Variants in GFY observed in about 807,000 individuals in gnomAD.
The protein encoded by GFY is Golgi-associated olfactory signaling regulator.
A neutral mutation model predicts 29.1 loss-of-function variants in GFY; 28 were observed. The ratio of observed to expected loss-of-function variants is 0.96; its 90% CI spans 0.71 to 1.32. The LOEUF (loss-of-function observed/expected upper bound fraction) is 1.32, where lower values mean the gene tolerates loss of function less well. GFY is among the 40% of genes most tolerant of loss of function. The probability of loss-of-function intolerance (pLI) is 0.00; values close to 1 mark genes in which losing one functional copy is unlikely to be tolerated. For synonymous variants in GFY, 277 were observed against 274.5 expected, an observed-to-expected ratio of 1.01 and a Z score of -0.09; for missense variants, 656 against 661.9, an observed-to-expected ratio of 0.99 and a Z score of 0.10.
intron 1 of GFY, 38 bp from the exon 2 acceptor site, chr19:49,426,372 T>A: frequency 1.4e-6 from 2 of 1,451,710 alleles, no homozygotes; most frequent in South Asian, 2.9e-5. Flanking sequence ...CCTGGGAGCC[T>A]TCGGCCTTAA....
At chr19:49,427,846 A>C in intron 2 of GFY, 100 bp from the exon 3 acceptor site, 4 of 1,358,920 alleles carry the variant, frequency 2.9e-6, no homozygotes, top group Non-Finnish European at 4.0e-6. Context: ...GTTTGGGAAC[A>C]GGAATTCCTG....
Position 49,427,195 on chromosome 19 carries a change from A to G in GFY, c.765A>G (p.Glu255=). The part of the protein sequence containing the change: ...SHVTHNPSPT[E]ISQTEFPTTY... ...TGACCCACAATCCCAGCCCCACCGA[A>G]ATTTCCCAAACAGAATTCCCCACAA... Residue 255 remains glutamate (E), a synonymous_variant, in exon 2 of 4, where the codon GAA becomes GAG. Coordinates refer to ENST00000610896, the MANE Select transcript of GFY (RefSeq NM_001195256.2). 6.5e-7 allele frequency: 1 copy of G among 1,535,774 alleles called. No individual in the cohort carries two copies. The highest frequency in any genetic ancestry group is 8.7e-7 in the Non-Finnish European group (1 of 1,146,824).
At chr19:49,424,465 T>C (rs140017923), upstream of GFY, among the ~76,000 whole-genome samples, 1,343 of 152,234 alleles carry the variant, frequency 8.8e-3, 17 homozygotes, top group Middle Eastern at 0.054. Flanking sequence ...AGGCTGGTCT[T>C]GAACTCCTGA....
At position 49,427,464 on chromosome 19, in the gene GFY, T is replaced by A. The variant is rs4802605; in HGVS notation, c.1034T>A (p.Val345Asp). 6.5e-7 allele frequency: 1 copy of A among 1,535,226 alleles called. No individual in the cohort carries two copies. Among genetic ancestry groups the A allele is most frequent in the Non-Finnish European group, 8.7e-7 (1 of 1,146,418 alleles). ...AACTCTGGCCCTAAGGAGTCCAACGTCCCTCCTCCCTCAGCCCGGATTGCA... is the reference window on the plus strand; with the variant it reads ...AACTCTGGCCCTAAGGAGTCCAACGACCCTCCTCCCTCAGCCCGGATTGCA... The part of the protein sequence containing the change: ...PQNSGPKESN[V>D]PPPSARIAGP... Residue 345 changes from valine to aspartate, a missense_variant, in exon 2 of 4, where the codon GTC (valine) becomes GAC (aspartate). Transcript: ENST00000610896.
Position 49,427,599 on chromosome 19 carries a change from G to C in GFY, c.1169G>C (p.Arg390Pro), listed in dbSNP as rs1975091606. ...EGVNTIIVVE[R>P]VKETGVTLVG... ...GTCAACACCATCATCGTGGTGGAGC[G>C]AGTGAAGGAGACCGGTGAGGGGCAG... Residue 390 changes from arginine to proline, a missense_variant, in exon 2 of 4, where the codon CGA becomes CCA. Arg to Pro is a moderately radical substitution (Grantham distance 103, BLOSUM62 -2). Transcript: ENST00000610896. The C allele has an allele frequency of 2.7e-6, 4 of 1,469,220 alleles. No homozygotes were observed. Among genetic ancestry groups the C allele is most frequent in the Middle Eastern group, 1.8e-4 (1 of 5,616 alleles). The allele number at this position is 1,469,220 out of a possible 1,614,324, so 91.0% of individuals were successfully genotyped here. A position where few individuals can be genotyped will look rare whatever the true frequency, so the allele number is the denominator to read the frequency against.
At chr19:49,425,969 A>G (rs1975067939) in intron 1 of GFY, among the ~76,000 whole-genome samples, 1 of 151,898 alleles carries the variant, frequency 6.6e-6, no homozygotes, top group Admixed American at 6.6e-5. Context: ...CCTCAAATCC[A>G]TGAGTCCAGC....
intron 3 of GFY, 72 bp from the exon 4 acceptor site, chr19:49,428,547 G>C: frequency 8.5e-7 from 1 of 1,178,202 alleles, no homozygotes; most frequent in Non-Finnish European, 1.1e-6. Flanking sequence ...GCACAAAAGC[G>C]GCCCTGGAGA....
intron 1 of GFY, among the ~76,000 whole-genome samples, chr19:49,425,769 C>T (rs1302853193): frequency 6.6e-6 from 1 of 152,162 alleles, no homozygotes; most frequent in African/African-American, 2.4e-5. Flanking sequence ...CTCAAGGCCT[C>T]TTATCTCCTT....
At chr19:49,427,706 C>A in intron 2 of GFY, 93 bp downstream of exon 2, 1 of 1,380,170 alleles carries the variant, frequency 7.2e-7, no homozygotes, top group Non-Finnish European at 9.5e-7. Flanking sequence ...GGCCTGGACT[C>A]CTGGGTGCGA....
At chr19:49,426,333 G>A in intron 1 of GFY, 77 bp from the exon 2 acceptor site, 1 of 1,442,092 alleles carries the variant, frequency 6.9e-7, no homozygotes. Flanking sequence ...GTGTTCCAGT[G>A]GGCGTGGCCT....
chr19:49,428,516 C>G (rs115434553), intron 3 of GFY, 103 bp from the exon 4 acceptor site: 1 of 859,314 alleles, frequency 1.2e-6, no homozygotes, highest in Non-Finnish European at 1.7e-6. Flanking sequence ...ATCCTCTCTC[C>G]GGCCTCCTGA....
In GFY at chr19:49,427,951, A is replaced by T. The variant is rs1269207461; in HGVS notation, c.1189A>T (p.Thr397Ser). Residue 397 changes from threonine (T) to serine (S), a missense_variant, in exon 3 of 4, where the codon ACT (threonine) becomes TCT (serine). By Grantham distance (58) the Thr-to-Ser change is moderately conservative (BLOSUM62 1). Coordinates refer to ENST00000610896, the MANE Select transcript of GFY (RefSeq NM_001195256.2). ...TTGCTGGTATCCCCCTTCAGGCGTG[A>T]CTCTGGTGGGGCGACCACGTGGCGC... Reference protein sequence around the residue: ...VVERVKETGVTLVGRPRGAAG... With the variant: ...VVERVKETGVSLVGRPRGAAG... 4.6e-6 allele frequency: 7 copies of T among 1,533,054 alleles called. No individual in the cohort carries two copies. In the East Asian group the frequency reaches 1.2e-4, roughly 27 times the overall value. 95.0% of individuals were successfully genotyped at this position (1,533,054 alleles called of 1,614,324 possible). A position where few individuals can be genotyped will look rare whatever the true frequency, so the allele number is the denominator to read the frequency against.
chr19:49,426,978 A>G lies in GFY; in HGVS notation c.548A>G (p.Glu183Gly). 6.5e-6 allele frequency: 10 copies of G among 1,535,816 alleles called. No homozygotes were observed. Among genetic ancestry groups the G allele is most frequent in the African/African-American group, 1.4e-5 (1 of 73,028 alleles). Residue 183 changes from glutamate (E) to glycine (G), a missense_variant, in exon 2 of 4, where the codon GAG becomes GGG. Glu to Gly is a moderately conservative substitution (Grantham distance 98). Transcript: ENST00000610896. ...CAAACTACACCCCAAGAATCCCCAG[A>G]GATTCTGCAGCTTAATGCCACTGAA... The part of the protein sequence containing the change: ...LMQTTPQESP[E>G]ILQLNATEVS...
chr19:49,426,384 C>G, intron 1 of GFY, 26 bp from the exon 2 acceptor site: 1 of 1,473,286 alleles, frequency 6.8e-7, no homozygotes, highest in Non-Finnish European at 8.9e-7. Flanking sequence ...CGGCCTTAAC[C>G]CCTTCCTTCC....
intron 2 of GFY, 67 bp from the exon 3 acceptor site, chr19:49,427,879 G>C: frequency 6.7e-7 from 1 of 1,483,324 alleles, no homozygotes; most frequent in East Asian, 2.5e-5. Context: ...GAGGGGCTAG[G>C]AGCTTGGACC....
upstream of GFY, among the ~76,000 whole-genome samples, chr19:49,424,941 T>C (rs1217787472): frequency 2.0e-5 from 3 of 152,084 alleles, no homozygotes; most frequent in South Asian, 6.2e-4. Context: ...TGTGGGAACT[T>C]GGGCTCCTAG....
Position 49,426,476 on chromosome 19 carries a change from G to A in GFY, c.46G>A (p.Gly16Ser), listed in dbSNP as rs1340449218. The part of the protein sequence containing the change: ...RILFLVFLLA[G>S]LRSKAAPSAP... ...CCTCTTCCTCGTCTTCCTCCTCGCCGGCCTGAGGTCCAAGGCCGCTCCCTC... is the reference window on the plus strand; with the variant it reads ...CCTCTTCCTCGTCTTCCTCCTCGCCAGCCTGAGGTCCAAGGCCGCTCCCTC... The change falls in exon 2 of 4, where the codon GGC becomes AGC. Residue 16 changes from glycine to serine, a missense_variant. Transcript: ENST00000610896. 7 of 1,535,786 alleles carry A rather than the reference G, an allele frequency of 4.6e-6. No individual in the cohort carries two copies. The highest frequency in any genetic ancestry group is 1.4e-5 in the African/African-American group (1 of 73,010).
At position 49,427,094 on chromosome 19, in the gene GFY, A is replaced by G. The variant is rs1975083377; in HGVS notation, c.664A>G (p.Thr222Ala). 1 of 1,534,696 alleles carries G rather than the reference A, an allele frequency of 6.5e-7. No individual in the cohort carries two copies. Among genetic ancestry groups the G allele is most frequent in the African/African-American group, 1.4e-5 (1 of 72,506 alleles). Residue 222 changes from threonine to alanine, a missense_variant, in exon 2 of 4, where the codon ACT (threonine) becomes GCT (alanine). Thr to Ala is a moderately conservative substitution (Grantham distance 58). Transcript: ENST00000610896. The part of the protein sequence containing the change: ...KSPEKHDLNS[T>A]ETPNSEFLQA... Reference sequence around the variant, plus strand: ...CCCAGAAAAGCATGACCTCAACTCCACTGAGACCCCAAACTCTGAATTTCT... The same window carrying G: ...CCCAGAAAAGCATGACCTCAACTCCGCTGAGACCCCAAACTCTGAATTTCT...
chr19:49,427,452 A>G lies in GFY; in HGVS notation c.1022A>G (p.Lys341Arg), dbSNP rs1282596003. 2 of 1,535,732 alleles carry G rather than the reference A, an allele frequency of 1.3e-6. No homozygotes were observed. Among genetic ancestry groups the G allele is most frequent in the South Asian group, 1.2e-5 (1 of 84,004 alleles). ...AAGGCCCCCCAGAACTCTGGCCCTA[A>G]GGAGTCCAACGTCCCTCCTCCCTCA... Reference protein sequence around the residue: ...ELKAPQNSGPKESNVPPPSAR... With the variant: ...ELKAPQNSGPRESNVPPPSAR... Residue 341 changes from lysine to arginine, a missense_variant, in exon 2 of 4, where the codon AAG (lysine) becomes AGG (arginine). Transcript: ENST00000610896.
Sources: allele counts gnomAD v4.1 joint callset (sites outside exome capture counted in the v4.1 genomes callset), GRCh38; gene constraint gnomAD v4.1.1; transcripts MANE v1.5; gene names NCBI Gene and HGNC (gene_info 2026-07-23, HGNC 2026-07-21).